ADAMTS2: variants seen among roughly 807,000 people sequenced by gnomAD.
ADAMTS2 encodes A disintegrin and metalloproteinase with thrombospondin motifs 2.
A neutral mutation model predicts 123.0 loss-of-function variants in ADAMTS2; 50 were observed. The ratio of observed to expected loss-of-function variants is 0.41; its 90% CI spans 0.32 to 0.51. ADAMTS2 has a LOEUF of 0.51. Ranked by LOEUF, ADAMTS2 falls within the 20% of genes least tolerant of loss-of-function variation. The pLI is 0.35. For synonymous variants in ADAMTS2, 678 were observed against 695.4 expected, an observed-to-expected ratio of 0.98 and a Z score of 0.39; for missense variants, 1,494 against 1,705.2, an observed-to-expected ratio of 0.88 and a Z score of 2.18.
intron 5 of ADAMTS2, among the ~76,000 whole-genome samples, chr5:179,174,096 C>T (rs1050155339): frequency 6.6e-6 from 1 of 151,922 alleles, no homozygotes; most frequent in African/African-American, 2.4e-5. Flanking sequence ...AATATCTGTA[C>T]TCATACTCAA....
intron 2 of ADAMTS2, among the ~76,000 whole-genome samples, 156 bp from the exon 3 acceptor site, chr5:179,273,220 A>G (rs1766596001): frequency 6.6e-6 from 1 of 152,114 alleles, no homozygotes; most frequent in African/African-American, 2.4e-5. Context: ...GCCGGAGGGT[A>G]TGAACATGTG....
chr5:179,230,416 C>T (rs1041241767), intron 3 of ADAMTS2, among the ~76,000 whole-genome samples: 27 of 152,142 alleles, frequency 1.8e-4, no homozygotes, highest in African/African-American at 5.1e-4. Context: ...GTCACTTATG[C>T]GCTCCAGGGC....
In ADAMTS2 at chr5:179,276,639, G is replaced by A. The variant is rs141521602; in HGVS notation, c.535-3575C>T. Reference sequence around the variant, plus strand: ...AGCTTGCTTTCCAAATGAGGAAACCGAGGCCTAGATGGGCAGACAGGCTGC... The same window carrying A: ...AGCTTGCTTTCCAAATGAGGAAACCAAGGCCTAGATGGGCAGACAGGCTGC... On this transcript the variant is annotated intron_variant, in intron 2 of 21. Transcript: ENST00000251582. Among the ~76,000 whole-genome samples, 704 of 152,306 alleles carry A rather than the reference G, an allele frequency of 4.6e-3. 6 individuals carry two copies. The highest frequency in any genetic ancestry group is 0.016 in the African/African-American group (672 of 41,564).
rs756455382 is a variant in ADAMTS2, at chr5:179,154,844, G to A, written c.1208C>T (p.Ala403Val). The A allele has an allele frequency of 1.1e-5, 17 of 1,613,080 alleles. No homozygotes were observed. The highest frequency in any genetic ancestry group is 1.7e-5 in the Admixed American group (1 of 59,916). The change falls in exon 7 of 22, where the codon GCG (alanine) becomes GTG (valine). Residue 403 changes from alanine (A) to valine (V), a missense_variant. Ala to Val is a moderately conservative substitution (Grantham distance 64, BLOSUM62 0). This residue lies in a region of ADAMTS2 where 47 missense variants were observed against 92.7 expected (regional missense o/e 0.51). Coordinates refer to ENST00000251582, the MANE Select transcript of ADAMTS2 (RefSeq NM_014244.5). ...TLNHEDGFSS[A>V]FVVAHETGHV... Reference sequence around the variant, plus strand: ...GCCAGTCTCATGGGCCACCACAAACGCTGAGGAGAAGCCGTCCTCATGGTT... The same window carrying A: ...GCCAGTCTCATGGGCCACCACAAACACTGAGGAGAAGCCGTCCTCATGGTT...
At chr5:179,288,654 G>A (rs376568597) in intron 2 of ADAMTS2, among the ~76,000 whole-genome samples, 2 of 152,228 alleles carry the variant, frequency 1.3e-5, no homozygotes, top group African/African-American at 4.8e-5. Flanking sequence ...TCTGTGGGTG[G>A]TTGGCCCACT....
At chr5:179,157,869 C>T (rs1294975021) in intron 6 of ADAMTS2, among the ~76,000 whole-genome samples, 2 of 152,088 alleles carry the variant, frequency 1.3e-5, no homozygotes, top group East Asian at 3.9e-4. Flanking sequence ...ATAAATATTT[C>T]CCCCAGTGGA....
At chr5:179,237,013 G>A (rs114018195) in intron 3 of ADAMTS2, among the ~76,000 whole-genome samples, 1,665 of 152,252 alleles carry the variant, frequency 0.011, 33 homozygotes, top group African/African-American at 0.038. Flanking sequence ...TCAGCACTTT[G>A]GGGGGTTGAG....
At chr5:179,207,488 CT>C in intron 4 of ADAMTS2, 24 bp downstream of exon 4, 2 of 1,246,922 alleles carry the variant, frequency 1.6e-6, no homozygotes, top group Non-Finnish European at 2.3e-6. Flanking sequence ...CCGCCCCACC[CT>C]GCCCCCTCAG....
rs781386762 is a variant in ADAMTS2, at chr5:179,122,659, G to A, written c.3073C>T (p.Leu1025Phe). ...GGTGGCTTACGGGGACAGGGGCCAA[G>A]CCTGCAGGTCCTCGCTGTCTCAGGA... ...ERPETARTCR[L>F]GPCPRNISDP... Residue 1025 changes from leucine (L) to phenylalanine (F), a missense_variant, in exon 20 of 22, where the codon CTT becomes TTT. Coordinates refer to ENST00000251582, the MANE Select transcript of ADAMTS2 (RefSeq NM_014244.5). The A allele has an allele frequency of 1.3e-6, 2 of 1,551,342 alleles. No individual in the cohort carries two copies. Among genetic ancestry groups the A allele is most frequent in the East Asian group, 2.4e-5 (1 of 41,094 alleles).
At chr5:179,264,181 C>T (rs1324389341) in intron 3 of ADAMTS2, among the ~76,000 whole-genome samples, 1 of 152,162 alleles carries the variant, frequency 6.6e-6, no homozygotes, top group African/African-American at 2.4e-5. Context: ...TGTCGCCCCA[C>T]CCCTCTCTAT....
At chr5:179,147,800 A>G (rs1460079010) in intron 10 of ADAMTS2, among the ~76,000 whole-genome samples, 1 of 152,202 alleles carries the variant, frequency 6.6e-6, no homozygotes, top group East Asian at 1.9e-4. Flanking sequence ...AATGGCACCC[A>G]CAGGAGGGGA....
At chr5:179,183,455 A>G (rs1299462412) in intron 4 of ADAMTS2, among the ~76,000 whole-genome samples, 3 of 152,208 alleles carry the variant, frequency 2.0e-5, no homozygotes, top group African/African-American at 7.2e-5. Context: ...CTGAGAAGGA[A>G]GGAAATGCAA....
chr5:179,301,901 G>A (rs1440864157), intron 2 of ADAMTS2, among the ~76,000 whole-genome samples: 1 of 152,240 alleles, frequency 6.6e-6, no homozygotes, highest in African/African-American at 2.4e-5. Flanking sequence ...ACAGCGTGCT[G>A]TGCCCGGGAG....
chr5:179,122,324 G>GCACAGGCACCCCCAACTCA (rs11268642), intron 20 of ADAMTS2, among the ~76,000 whole-genome samples: 1 of 151,656 alleles, frequency 6.6e-6, no homozygotes, highest in Non-Finnish European at 1.5e-5. Context: ...CTCTCTACTC[G>GCACAGGCACCCCCAACTCA]CACAGGCGTC....
At chr5:179,143,511 T>C (rs767313671) in intron 10 of ADAMTS2, among the ~76,000 whole-genome samples, 1 of 152,058 alleles carries the variant, frequency 6.6e-6, no homozygotes, top group Non-Finnish European at 1.5e-5. Flanking sequence ...ACTAATTAGC[T>C]GGCTCAGTGG....
At chr5:179,196,994 G>A (rs919840237) in intron 4 of ADAMTS2, among the ~76,000 whole-genome samples, 6 of 152,270 alleles carry the variant, frequency 3.9e-5, no homozygotes, top group East Asian at 1.9e-4. Context: ...ACAAATTCAC[G>A]TGAATTTTGC....
intron 6 of ADAMTS2, among the ~76,000 whole-genome samples, chr5:179,156,915 G>GT (rs965471708): frequency 2.8e-5 from 4 of 140,880 alleles, no homozygotes; most frequent in African/African-American, 1.1e-4. Context: ...TTGTGTTTTG[G>GT]TTTTTTTAAA....
intron 3 of ADAMTS2, among the ~76,000 whole-genome samples, chr5:179,253,152 G>T (rs1269942571): frequency 2.6e-5 from 4 of 152,032 alleles, no homozygotes; most frequent in Non-Finnish European, 5.9e-5. Flanking sequence ...TGGTGATAGC[G>T]TCCAGCCAGA....
rs756658312 is a variant in ADAMTS2, at chr5:179,126,150, C to T, written c.2618-20G>A. On this transcript the variant is annotated intron_variant, in intron 17 of 21. Coordinates refer to ENST00000251582, the MANE Select transcript of ADAMTS2 (RefSeq NM_014244.5). ...GGGACCCTGAAGGCAGAGAGCTCGACGGGGGTCGGTGGGGCAGCATGCCCT... is the reference window on the plus strand; with the variant it reads ...GGGACCCTGAAGGCAGAGAGCTCGATGGGGGTCGGTGGGGCAGCATGCCCT... The T allele has an allele frequency of 1.9e-5, 31 of 1,612,760 alleles. No homozygotes were observed. The highest frequency in any genetic ancestry group is 8.0e-5 in the African/African-American group (6 of 74,942).
Sources: allele counts gnomAD v4.1 joint callset (sites outside exome capture counted in the v4.1 genomes callset), GRCh38; gene constraint gnomAD v4.1.1; regional missense constraint gnomAD v4.1.1; transcripts MANE v1.5; gene names NCBI Gene and HGNC (gene_info 2026-07-23, HGNC 2026-07-21).